The following RYK variants were observed in gnomAD, a reference collection of about 807,000 sequenced individuals.
The protein encoded by RYK is inactive tyrosine-protein kinase RYK.
A neutral mutation model predicts 70.2 loss-of-function variants in RYK; 21 were observed. That is an observed-to-expected ratio of 0.30 (90% CI 0.21 to 0.43). RYK has a LOEUF of 0.43. RYK is among the 20% of genes least tolerant of loss of function. RYK has a pLI of 1.00. For missense variants in RYK, 604 were observed against 753.3 expected (o/e 0.80, Z 2.32); for synonymous variants, 267 against 278.0 (o/e 0.96, Z 0.39).
At chr3:134,158,533 TA>T (rs59527178) in intron 14 of RYK, among the ~76,000 whole-genome samples, 2 of 152,048 alleles carry the variant, frequency 1.3e-5, no homozygotes, top group African/African-American at 4.8e-5. Context: ...TAAAACACAG[TA>T]AAAAAAGAAT....
intron 1 of RYK, among the ~76,000 whole-genome samples, chr3:134,225,451 GA>G (rs148165578): frequency 0.01 from 1,486 of 142,334 alleles, 31 homozygotes; most frequent in African/African-American, 0.034. Flanking sequence ...TAGTACAACT[GA>G]AAAAAAAAAG....
intron 1 of RYK, among the ~76,000 whole-genome samples, chr3:134,247,211 T>C (rs1341791687): frequency 6.6e-6 from 1 of 152,122 alleles, no homozygotes; most frequent in African/African-American, 2.4e-5. Flanking sequence ...GTAACTACAT[T>C]GGAGGATTTA....
At chr3:134,249,922 T>TTTG (rs1553713508) in intron 1 of RYK, among the ~76,000 whole-genome samples, 2 of 134,510 alleles carry the variant, frequency 1.5e-5, no homozygotes, top group Admixed American at 7.4e-5. Flanking sequence ...CTCTCGTTTT[T>TTTG]TTTTTTTTTT....
intron 1 of RYK, among the ~76,000 whole-genome samples, chr3:134,228,033 T>C (rs1387302214): frequency 6.6e-6 from 1 of 152,130 alleles, no homozygotes; most frequent in East Asian, 1.9e-4. Flanking sequence ...CTCATGCCAA[T>C]AATCCCAGTG....
At chr3:134,186,638 A>C (rs184421194) in intron 9 of RYK, among the ~76,000 whole-genome samples, 2 of 152,350 alleles carry the variant, frequency 1.3e-5, no homozygotes, top group African/African-American at 2.4e-5. Flanking sequence ...TAAAGCACAG[A>C]AACAACCAGT....
chr3:134,195,046 T>G, intron 7 of RYK, 36 bp downstream of exon 7: 17 of 1,438,702 alleles, frequency 1.2e-5, no homozygotes, highest in African/African-American at 1.4e-5. Context: ...ATAGACAACT[T>G]GAGTAAACTG....
At chr3:134,185,505 C>T (rs78842543) in intron 9 of RYK, among the ~76,000 whole-genome samples, 726 of 152,278 alleles carry the variant, frequency 4.8e-3, no homozygotes, top group African/African-American at 0.016. Flanking sequence ...GACAAAAAGC[C>T]AAGGATCTGA....
intron 5 of RYK, among the ~76,000 whole-genome samples, chr3:134,206,409 CAATA>C (rs1361634945): frequency 2.0e-5 from 3 of 151,934 alleles, no homozygotes; most frequent in African/African-American, 4.8e-5. Flanking sequence ...ATAATTTCTT[CAATA>C]AATAAATAAT....
chr3:134,193,699 T>C (rs763469941), intron 7 of RYK, among the ~76,000 whole-genome samples: 3 of 152,106 alleles, frequency 2.0e-5, no homozygotes, highest in Non-Finnish European at 2.9e-5. Context: ...GTGGGAAGAG[T>C]AGCTGCTATT....
intron 10 of RYK, among the ~76,000 whole-genome samples, chr3:134,182,611 G>T (rs969281458): frequency 1.3e-5 from 2 of 152,054 alleles, no homozygotes; most frequent in Non-Finnish European, 2.9e-5. Context: ...CTAGAAGGAA[G>T]ATTTATTCAT....
chr3:134,193,104 C>G (rs1209139642), intron 7 of RYK, among the ~76,000 whole-genome samples: 1 of 151,854 alleles, frequency 6.6e-6, no homozygotes, highest in African/African-American at 2.4e-5. Context: ...TAGCTCCTTA[C>G]GGTAATGGCC....
chr3:134,178,116 A>T (rs1215556083), intron 10 of RYK, 43 bp from the exon 11 acceptor site: 1 of 1,380,592 alleles, frequency 7.2e-7, no homozygotes, highest in African/African-American at 1.5e-5. Context: ...AAGGAATCCA[A>T]AATGTTAGGG....
At chr3:134,227,553 A>T (rs991283667) in intron 1 of RYK, among the ~76,000 whole-genome samples, 2 of 152,022 alleles carry the variant, frequency 1.3e-5, no homozygotes, top group South Asian at 4.2e-4. Context: ...GAAAAAAAAA[A>T]CCTTAAAATG....
At chr3:134,181,888 G>A (rs990791291) in intron 10 of RYK, among the ~76,000 whole-genome samples, 6 of 152,052 alleles carry the variant, frequency 3.9e-5, no homozygotes, top group South Asian at 4.1e-4. Context: ...CTTCATGGCC[G>A]GGCACAGTGG....
intron 14 of RYK, 105 bp downstream of exon 14, chr3:134,159,130 TTC>T: frequency 2.5e-6 from 3 of 1,188,586 alleles, no homozygotes; most frequent in Non-Finnish European, 3.7e-6. Flanking sequence ...AGAGTCATTA[TTC>T]TCAAAAGGGA....
intron 2 of RYK, among the ~76,000 whole-genome samples, chr3:134,218,564 G>A (rs1200414216): frequency 6.6e-6 from 1 of 152,242 alleles, no homozygotes; most frequent in Admixed American, 6.5e-5. Flanking sequence ...CGGCATTTGT[G>A]GCAAACAGCA....
chr3:134,191,820 T>C, intron 8 of RYK, 29 bp downstream of exon 8: 1 of 1,579,042 alleles, frequency 6.3e-7, no homozygotes, highest in Non-Finnish European at 8.6e-7. Flanking sequence ...AAATCATACT[T>C]AAAAAACCGA....
At chr3:134,249,217 A>G (rs1358693583) in intron 1 of RYK, among the ~76,000 whole-genome samples, 1 of 152,214 alleles carries the variant, frequency 6.6e-6, no homozygotes, top group Admixed American at 6.5e-5. Flanking sequence ...CAGCTAGACT[A>G]AGAAGGATTA....
At chr3:134,221,376 C>T (rs1360529608) in intron 2 of RYK, among the ~76,000 whole-genome samples, 1 of 151,192 alleles carries the variant, frequency 6.6e-6, no homozygotes, top group Non-Finnish European at 1.5e-5. Flanking sequence ...CGCTAATTTT[C>T]GTATTTTTAG....
Sources: allele counts gnomAD v4.1 joint callset (sites outside exome capture counted in the v4.1 genomes callset), GRCh38; gene constraint gnomAD v4.1.1; transcripts MANE v1.5; gene names NCBI Gene and HGNC (gene_info 2026-07-23, HGNC 2026-07-21).